COL4A3: variants seen among roughly 807,000 people sequenced by gnomAD.
The protein encoded by COL4A3 is collagen alpha-3(IV) chain.
In COL4A3, 135 loss-of-function variants were observed where a neutral mutation model predicts 217.4. The ratio of observed to expected loss-of-function variants is 0.62; its 90% CI spans 0.54 to 0.72. The LOEUF is 0.72. Among genes scored for constraint, COL4A3 ranks in the 30% least tolerant of loss-of-function variants. The pLI is 0.00. For synonymous variants in COL4A3, 690 were observed against 736.3 expected (o/e 0.94, Z 1.02); for missense variants, 1,868 against 2,119.9 (o/e 0.88, Z 2.33).
intron 43 of COL4A3, among the ~76,000 whole-genome samples, chr2:227,302,700 A>AAAAAAAAAAAAAAAAAAAAC: frequency 1.5e-5 from 2 of 133,098 alleles, no homozygotes; most frequent in Non-Finnish European, 3.4e-5. Flanking sequence ...AAAAAAAAAA[A>AAAAAAAAAAAAAAAAAAAAC]AAAAAATCAT....
intron 1 of COL4A3, among the ~76,000 whole-genome samples, chr2:227,165,459 G>A (rs1029140127): frequency 6.6e-6 from 1 of 152,166 alleles, no homozygotes; most frequent in African/African-American, 2.4e-5. Flanking sequence ...CTTGGAATTT[G>A]AGTGAAACTG....
At chr2:227,258,594 A>G (rs1193186866) in intron 18 of COL4A3, among the ~76,000 whole-genome samples, 7 of 152,228 alleles carry the variant, frequency 4.6e-5, no homozygotes. Flanking sequence ...GGCAGAAAGC[A>G]GAAGGGCAAG....
At chr2:227,286,242 A>T (rs192826609) in intron 34 of COL4A3, among the ~76,000 whole-genome samples, 3 of 151,808 alleles carry the variant, frequency 2.0e-5, no homozygotes, top group East Asian at 3.9e-4. Context: ...CTGTAATCCC[A>T]GTATTTTGGG....
intron 18 of COL4A3, among the ~76,000 whole-genome samples, chr2:227,258,841 T>A (rs1360678728): frequency 6.6e-6 from 1 of 152,180 alleles, no homozygotes; most frequent in African/African-American, 2.4e-5. Flanking sequence ...TGCCCAACAC[T>A]TGGTAGGTGC....
chr2:227,253,499 A>G lies in COL4A3; in HGVS notation c.688-62A>G. The G allele has an allele frequency of 6.8e-7, 1 of 1,467,316 alleles. No homozygotes were observed. 90.9% of individuals were successfully genotyped at this position (1,467,316 alleles called of 1,614,324 possible). On this transcript the variant is annotated intron_variant, in intron 12 of 51. Coordinates refer to ENST00000396578, the MANE Select transcript of COL4A3 (RefSeq NM_000091.5). This position sits in a 1 kb window ranked among gnomAD's most constrained non-coding sequence, Gnocchi z 4.4. The stretch of plus-strand genomic sequence containing the variant: ...GGGGAAAAGTAGACCTTTCAAACGT[A>G]GTAACATTGAAATGTTGATGCTGTT...
intron 19 of COL4A3, 29 bp from the exon 20 acceptor site, chr2:227,261,053 A>C: frequency 6.3e-7 from 1 of 1,592,506 alleles, no homozygotes; most frequent in Non-Finnish European, 8.6e-7. Flanking sequence ...TATCTTTCTA[A>C]GCAATTAATT....
intron 1 of COL4A3, among the ~76,000 whole-genome samples, chr2:227,207,268 G>T (rs1574570355): frequency 6.6e-6 from 1 of 152,228 alleles, no homozygotes; most frequent in African/African-American, 2.4e-5. Context: ...TAACCCCACA[G>T]AAATGGAATA....
intron 1 of COL4A3, among the ~76,000 whole-genome samples, chr2:227,206,956 C>CACTTGCACTGCAT (rs1465741002): frequency 6.6e-6 from 1 of 152,166 alleles, no homozygotes; most frequent in Non-Finnish European, 1.5e-5. Flanking sequence ...TGCTACAAAG[C>CACTTGCACTGCAT]ACTTGCACTG....
At chr2:227,209,844 AAAAC>A (rs373615921) in intron 1 of COL4A3, among the ~76,000 whole-genome samples, 24 of 152,254 alleles carry the variant, frequency 1.6e-4, no homozygotes, top group South Asian at 6.2e-4. Context: ...CTCCATCTCA[AAAAC>A]AAACAAACAA....
chr2:227,249,224 A>ATT (rs1320775871), intron 9 of COL4A3, among the ~76,000 whole-genome samples: 3 of 24,200 alleles, frequency 1.2e-4, no homozygotes, highest in African/African-American at 4.2e-4. Context: ...ATATATATAT[A>ATT]TATATATTTT....
intron 20 of COL4A3, among the ~76,000 whole-genome samples, chr2:227,262,102 C>T (rs963687700): frequency 4.6e-5 from 7 of 151,978 alleles, no homozygotes; most frequent in South Asian, 2.1e-4. Flanking sequence ...GACTGCAGAA[C>T]TATAAGTATA....
At chr2:227,223,771 T>C (rs944160057) in intron 1 of COL4A3, among the ~76,000 whole-genome samples, 16 of 152,128 alleles carry the variant, frequency 1.1e-4, no homozygotes, top group Non-Finnish European at 1.9e-4. Flanking sequence ...CAAATTCTGG[T>C]ATCAGATTTT....
At chr2:227,185,823 T>C (rs1338260097) in intron 1 of COL4A3, among the ~76,000 whole-genome samples, 2 of 152,224 alleles carry the variant, frequency 1.3e-5, no homozygotes, top group Non-Finnish European at 2.9e-5. Flanking sequence ...AATAAGTCTA[T>C]GGTGTGGCCT....
intron 46 of COL4A3, 100 bp from the exon 47 acceptor site, chr2:227,304,885 C>A (rs2073438746): frequency 1.0e-6 from 1 of 980,302 alleles, no homozygotes; most frequent in East Asian, 2.6e-5. Context: ...GCAGGACTTT[C>A]ATTCCTGAAA....
intron 14 of COL4A3, 108 bp downstream of exon 14, chr2:227,254,282 A>T (rs1173896088): frequency 2.0e-6 from 2 of 993,262 alleles, no homozygotes; most frequent in Non-Finnish European, 3.1e-6. Flanking sequence ...AAGAAAGTAA[A>T]GGAATAAAAG....
At chr2:227,210,731 T>A in intron 1 of COL4A3, among the ~76,000 whole-genome samples, 1 of 152,242 alleles carries the variant, frequency 6.6e-6, no homozygotes, top group South Asian at 2.1e-4. Flanking sequence ...CACAACTGCA[T>A]TCCCTTCTCA....
intron 1 of COL4A3, among the ~76,000 whole-genome samples, chr2:227,225,814 C>T (rs527764010): frequency 6.6e-6 from 1 of 150,732 alleles, no homozygotes; most frequent in African/African-American, 2.4e-5. Context: ...CAGGTTGAAG[C>T]GATTCTCTTG....
rs773353535 is a variant in COL4A3 at position 227,308,939 on chromosome 2, A to G, written c.4503A>G (p.Pro1501=). Residue 1501 remains proline, a synonymous_variant, in exon 49 of 52, where the codon CCA becomes CCG. Coordinates refer to ENST00000396578, the MANE Select transcript of COL4A3 (RefSeq NM_000091.5). ...GSCLQRFTTM[P]FLFCNVNDVC... ...GCCTGCAGCGATTTACCACAATGCC[A>G]TTCTTATTCTGCAATGTCAATGATG... The G allele has an allele frequency of 6.2e-7, 1 of 1,614,186 alleles. No homozygotes were observed. Among genetic ancestry groups the G allele is most frequent in the Non-Finnish European group, 8.5e-7 (1 of 1,180,038 alleles).
chr2:227,282,895 C>G lies in COL4A3; in HGVS notation c.2656+363C>G, dbSNP rs2072071857. ...AGTAATGCTGGTCTGATGGAACAAG[C>G]TGGGAAGTGTTTCCTCCTCTTGTAT... is the stretch of plus-strand genomic sequence containing the variant. On this transcript the variant is annotated intron_variant, in intron 32 of 51. Transcript: ENST00000396578. The surrounding 1 kb of genome is among the most constrained non-coding windows in gnomAD (Gnocchi z 4.4). 6.6e-6 allele frequency among the ~76,000 whole-genome samples: 1 copy of G among 152,060 alleles called. No homozygotes were observed. The highest frequency in any genetic ancestry group is 2.1e-4 in the South Asian group (1 of 4,824).
Sources: allele counts gnomAD v4.1 joint callset (sites outside exome capture counted in the v4.1 genomes callset), GRCh38; gene constraint gnomAD v4.1.1; non-coding constraint Gnocchi (gnomAD v3.1); transcripts MANE v1.5; gene names NCBI Gene and HGNC (gene_info 2026-07-23, HGNC 2026-07-21).